The following OPCML variants were observed in gnomAD, a reference collection of about 807,000 sequenced individuals.
OPCML encodes the protein opioid binding protein/cell adhesion molecule like, also known as opioid-binding protein/cell adhesion molecule.
A neutral mutation model predicts 37.8 loss-of-function variants in OPCML; 13 were observed. That is an observed-to-expected ratio of 0.34 (90% CI 0.22 to 0.55). The LOEUF is 0.55. Ranked by LOEUF, OPCML falls within the 20% of genes least tolerant of loss-of-function variation. The pLI is 0.91. For missense variants in OPCML, 341 were observed against 435.6 expected (o/e 0.78, Z 1.93); for synonymous variants, 176 against 168.8 (o/e 1.04, Z -0.33).
At chr11:133,081,830 C>T (rs1329261052) in intron 1 of OPCML, among the ~76,000 whole-genome samples, 1 of 152,052 alleles carries the variant, frequency 6.6e-6, no homozygotes, top group African/African-American at 2.4e-5. Flanking sequence ...GCGCTGGCAG[C>T]GCCCCTCCCC....
intron 1 of OPCML, among the ~76,000 whole-genome samples, chr11:133,053,562 C>A (rs1391007649): frequency 6.6e-6 from 1 of 152,140 alleles, no homozygotes; most frequent in Non-Finnish European, 1.5e-5. Context: ...TTCCCCCATG[C>A]AAAAAACAAT....
chr11:133,083,402 C>A (rs1490969389), intron 1 of OPCML, among the ~76,000 whole-genome samples: 1 of 152,118 alleles, frequency 6.6e-6, no homozygotes. Context: ...TGTCTCGGGT[C>A]GCTGGCTGCG....
At chr11:133,222,259 G>C (rs1939867995) in intron 1 of OPCML, among the ~76,000 whole-genome samples, 1 of 152,192 alleles carries the variant, frequency 6.6e-6, no homozygotes, top group Non-Finnish European at 1.5e-5. Context: ...CAGCCATACA[G>C]GCCAGCTATA....
intron 1 of OPCML, among the ~76,000 whole-genome samples, chr11:133,413,336 G>A (rs555178251): frequency 3.3e-5 from 5 of 151,188 alleles, no homozygotes; most frequent in East Asian, 1.9e-4. Flanking sequence ...TGTGGGGTAG[G>A]GGGGAGGGGG....
chr11:133,452,474 A>G (rs1051728251), intron 1 of OPCML, among the ~76,000 whole-genome samples: 1 of 151,390 alleles, frequency 6.6e-6, no homozygotes, highest in Non-Finnish European at 1.5e-5. Context: ...ATATAGTATG[A>G]TAGCAGATAG....
rs1462143109 is a variant in OPCML at position 133,328,656 on chromosome 11, TA to T, written c.61+203607del. Among the ~76,000 whole-genome samples, 6 of 152,250 alleles carry T rather than the reference TA, an allele frequency of 3.9e-5. No individual in the cohort carries two copies. In the East Asian group the frequency reaches 1.2e-3, roughly 29 times the overall value. On this transcript the variant is annotated intron_variant, in intron 1 of 7. Coordinates refer to ENST00000524381, the MANE Select transcript of OPCML (RefSeq NM_001012393.5). ...CCCTATCCTCGACTAGCTCACAATC[TA>T]AAAAATGTTTTGATGGGACATATCT... is the stretch of plus-strand genomic sequence containing the variant.
intron 1 of OPCML, among the ~76,000 whole-genome samples, chr11:132,958,235 CA>C (rs1946011608): frequency 6.6e-6 from 1 of 152,162 alleles, no homozygotes; most frequent in South Asian, 2.1e-4. Flanking sequence ...AAACCAGCCA[CA>C]ACATTCTATT....
rs1052506327 is a variant in OPCML, at chr11:133,004,096, T to C, written c.62-61086A>G. On this transcript the variant is annotated intron_variant, in intron 1 of 7. Coordinates refer to ENST00000524381, the MANE Select transcript of OPCML (RefSeq NM_001012393.5). Reference sequence around the variant, plus strand: ...AGAGCAGGGGCTGGCAGCTGTGTTCTAGCTTGGAAGGAAGTTGGACACCCA... The same window carrying C: ...AGAGCAGGGGCTGGCAGCTGTGTTCCAGCTTGGAAGGAAGTTGGACACCCA... 1.7e-4 allele frequency: 163 copies of C among 985,258 alleles called. 1 individual carries two copies. The highest frequency in any genetic ancestry group is 1.9e-4 in the Non-Finnish European group (159 of 829,930). 61.0% of individuals were successfully genotyped at this position (985,258 alleles called of 1,614,324 possible). A position where few individuals can be genotyped will look rare whatever the true frequency, so the allele number is the denominator to read the frequency against.
At chr11:133,419,328 C>A in intron 1 of OPCML, 1 of 985,396 alleles carries the variant, frequency 1.0e-6, no homozygotes, top group Non-Finnish European at 1.2e-6. Flanking sequence ...AGGCATGAAT[C>A]TCAGGTTAAG....
At chr11:133,262,698 A>G (rs1941531716) in intron 1 of OPCML, among the ~76,000 whole-genome samples, 1 of 152,144 alleles carries the variant, frequency 6.6e-6, no homozygotes, top group Non-Finnish European at 1.5e-5. Context: ...CTTTCTGGCA[A>G]GCTCTTTGAT....
At chr11:133,225,092 G>GTAA (rs1407592432) in intron 1 of OPCML, among the ~76,000 whole-genome samples, 1 of 152,192 alleles carries the variant, frequency 6.6e-6, no homozygotes, top group African/African-American at 2.4e-5. Flanking sequence ...TATTCTTGCT[G>GTAA]TAATTATGAC....
chr11:132,440,193 T>TGGAA (rs1232862879), intron 4 of OPCML, among the ~76,000 whole-genome samples: 1 of 152,020 alleles, frequency 6.6e-6, no homozygotes, highest in Non-Finnish European at 1.5e-5. Context: ...ACAGCAGAAA[T>TGGAA]GGAAGGAAGG....
intron 3 of OPCML, among the ~76,000 whole-genome samples, chr11:132,618,114 G>A (rs1939151446): frequency 6.6e-6 from 1 of 152,170 alleles, no homozygotes; most frequent in South Asian, 2.1e-4. Context: ...AAAAGTTGAT[G>A]GAAGTGCTGC....
rs117077827 is a variant in OPCML at position 133,051,022 on chromosome 11, C to A, written c.62-108012G>T. ...CCAGAAGAGATCCATCTCAGACCAG[C>A]CTTGCCTCCTCCTGTCCCTCCTCCA... On this transcript the variant is annotated intron_variant, in intron 1 of 7. Coordinates refer to ENST00000524381, the MANE Select transcript of OPCML (RefSeq NM_001012393.5). 3.2e-3 allele frequency among the ~76,000 whole-genome samples: 477 copies of A among 151,246 alleles called. 1 individual carries two copies. Among genetic ancestry groups the A allele is most frequent in the Non-Finnish European group, 4.1e-3 (281 of 67,886 alleles).
Position 133,008,024 on chromosome 11 carries a change from G to C in OPCML, c.62-65014C>G, listed in dbSNP as rs7938283. 7 of 985,382 alleles carry C rather than the reference G, an allele frequency of 7.1e-6. No homozygotes were observed. The South Asian group carries it at 1.4e-4, about 20-fold the overall frequency. The allele number at this position is 985,382 out of a possible 1,614,324, so 61.0% of individuals were successfully genotyped here. On this transcript the variant is annotated intron_variant, in intron 1 of 7. Coordinates refer to ENST00000524381, the MANE Select transcript of OPCML (RefSeq NM_001012393.5). ...AAGTGCATTGCAGGTGCTGTGTCAAGAGAGCTGTCTCATTGTTGAGATCTT... is the reference window on the plus strand; with the variant it reads ...AAGTGCATTGCAGGTGCTGTGTCAACAGAGCTGTCTCATTGTTGAGATCTT...
At chr11:133,406,702 G>A (rs1336988531) in intron 1 of OPCML, among the ~76,000 whole-genome samples, 2 of 152,184 alleles carry the variant, frequency 1.3e-5, no homozygotes, top group African/African-American at 4.8e-5. Context: ...ATAAAGCCAG[G>A]CACATGGAGA....
At chr11:132,730,895 C>T (rs145351404) in intron 2 of OPCML, among the ~76,000 whole-genome samples, 14 of 152,250 alleles carry the variant, frequency 9.2e-5, no homozygotes, top group Admixed American at 7.8e-4. Context: ...GCAAACTGAA[C>T]ATGCGAAGAA....
intron 2 of OPCML, among the ~76,000 whole-genome samples, chr11:132,730,661 AAAG>A (rs1945046180): frequency 6.6e-6 from 1 of 152,184 alleles, no homozygotes; most frequent in Non-Finnish European, 1.5e-5. Flanking sequence ...ACTGGCCTCA[AAAG>A]AAGACGTAAT....
chr11:133,349,495 C>T (rs1244829281), intron 1 of OPCML, among the ~76,000 whole-genome samples: 1 of 152,184 alleles, frequency 6.6e-6, no homozygotes, highest in East Asian at 1.9e-4. Context: ...ACAGGCTGCA[C>T]TCAGCCGGGT....
Sources: gnomAD v4.1 joint callset for allele counts (sites outside exome capture counted in the v4.1 genomes callset) on GRCh38, gnomAD v4.1.1 for gene constraint, MANE v1.5 for transcripts, NCBI Gene and HGNC (gene_info 2026-07-23, HGNC 2026-07-21) for gene names.